TMEM244: variants seen among roughly 807,000 people sequenced by gnomAD.
TMEM244 encodes transmembrane protein 244.
In TMEM244, 13 loss-of-function variants were observed where a neutral mutation model predicts 15.8. That is an observed-to-expected ratio of 0.82 (90% CI 0.53 to 1.30). TMEM244 has a LOEUF of 1.30. TMEM244 is among the 50% of genes most tolerant of loss of function. TMEM244 has a pLI of 0.00. For synonymous variants in TMEM244, 45 were observed against 48.7 expected, an observed-to-expected ratio of 0.92 and a Z score of 0.32; for missense variants, 161 against 144.9, an observed-to-expected ratio of 1.11 and a Z score of -0.57.
chr6:129,836,183 G>T (rs1776402401), intron 3 of TMEM244, among the ~76,000 whole-genome samples: 1 of 152,122 alleles, frequency 6.6e-6, no homozygotes, highest in Non-Finnish European at 1.5e-5. Flanking sequence ...ACCTCAAACA[G>T]GCAGGTGCCC....
At chr6:129,836,228 A>C (rs1776404752) in intron 3 of TMEM244, among the ~76,000 whole-genome samples, 1 of 152,172 alleles carries the variant, frequency 6.6e-6, no homozygotes, top group Admixed American at 6.5e-5. Context: ...AGGATCAGGC[A>C]GCAATATTTG....
chr6:129,843,651 A>AT (rs1382955684), intron 2 of TMEM244, 48 bp from the exon 3 acceptor site: 8 of 1,318,128 alleles, frequency 6.1e-6, no homozygotes, highest in Non-Finnish European at 8.7e-6. Flanking sequence ...GAGGCAGTTC[A>AT]TAACAGCACA....
At chr6:129,841,843 T>C (rs187611043) in intron 3 of TMEM244, among the ~76,000 whole-genome samples, 311 of 152,286 alleles carry the variant, frequency 2.0e-3, no homozygotes, top group African/African-American at 7.3e-3. Context: ...ACACAAAACC[T>C]GACCATAATA....
chr6:129,860,428 A>G (rs1776790370), intron 1 of TMEM244, among the ~76,000 whole-genome samples: 1 of 152,080 alleles, frequency 6.6e-6, no homozygotes, highest in South Asian at 2.1e-4. Context: ...ATATGTGGTG[A>G]TGATGGTAGT....
chr6:129,844,232 C>T (rs895387494), intron 2 of TMEM244, among the ~76,000 whole-genome samples: 1 of 152,122 alleles, frequency 6.6e-6, no homozygotes, highest in African/African-American at 2.4e-5. Context: ...ACATTTTGTC[C>T]ACCTTGTCAT....
intron 1 of TMEM244, among the ~76,000 whole-genome samples, chr6:129,860,105 G>A (rs908313123): frequency 6.4e-5 from 1 of 15,506 alleles, no homozygotes; most frequent in Non-Finnish European, 1.6e-4. Context: ...TCTGCAATGC[G>A]TGTGTGTGTG....
intron 1 of TMEM244, among the ~76,000 whole-genome samples, chr6:129,859,673 A>G (rs1397839783): frequency 6.6e-6 from 1 of 152,166 alleles, no homozygotes; most frequent in Non-Finnish European, 1.5e-5. Flanking sequence ...CTATTTTCCC[A>G]GACAGCAAAT....
At chr6:129,853,793 C>T (rs1480524322) in intron 1 of TMEM244, among the ~76,000 whole-genome samples, 1 of 152,162 alleles carries the variant, frequency 6.6e-6, no homozygotes, top group East Asian at 1.9e-4. Flanking sequence ...TAGGCTGGAA[C>T]CTGGATAGAA....
chr6:129,851,308 G>T (rs149102752), intron 1 of TMEM244, among the ~76,000 whole-genome samples: 2 of 151,800 alleles, frequency 1.3e-5, no homozygotes, highest in African/African-American at 2.4e-5. Context: ...TTGCTTTGTC[G>T]CCTGGGCTGG....
At chr6:129,858,058 G>A (rs557314379) in intron 1 of TMEM244, among the ~76,000 whole-genome samples, 47 of 151,872 alleles carry the variant, frequency 3.1e-4, no homozygotes, top group Admixed American at 4.6e-4. Context: ...TGAACCATCC[G>A]TACATTTTTG....
intron 4 of TMEM244, among the ~76,000 whole-genome samples, chr6:129,832,705 G>C (rs1213273542): frequency 6.6e-6 from 1 of 152,072 alleles, no homozygotes; most frequent in Non-Finnish European, 1.5e-5. Context: ...CCCCCATTTT[G>C]TAGAGAAGGA....
chr6:129,854,010 C>T (rs910875837), intron 1 of TMEM244, among the ~76,000 whole-genome samples: 5 of 152,232 alleles, frequency 3.3e-5, no homozygotes, highest in Non-Finnish European at 7.4e-5. Flanking sequence ...TTCTTGTTGT[C>T]GCATTTAACA....
At chr6:129,845,982 T>G in intron 1 of TMEM244, 130 bp from the exon 2 acceptor site, 1 of 617,510 alleles carries the variant, frequency 1.6e-6, no homozygotes, top group Non-Finnish European at 2.8e-6. Flanking sequence ...TAAGGACCCA[T>G]GGAATGGGAA....
Position 129,847,768 on chromosome 6 carries a change from C to A in TMEM244, c.34-1916G>T, listed in dbSNP as rs949842054. 3.5e-5 allele frequency among the ~76,000 whole-genome samples: 5 copies of A among 143,218 alleles called. No homozygotes were observed. In the Admixed American group the frequency reaches 3.5e-4, roughly 10 times the overall value. 94.0% of individuals were successfully genotyped at this position (143,218 alleles called of 152,430 possible). A position where few individuals can be genotyped will look rare whatever the true frequency, so the allele number is the denominator to read the frequency against. On this transcript the variant is annotated intron_variant, in intron 1 of 4. Coordinates refer to ENST00000368143, the MANE Select transcript of TMEM244 (RefSeq NM_001010876.2). ...ATCTCACATTCCTTGTTTCTTTTTT[C>A]TTTTTTCTTTTTTTTTTTTTTTTGA...
intron 1 of TMEM244, among the ~76,000 whole-genome samples, chr6:129,846,166 CA>C (rs1281849424): frequency 6.6e-6 from 1 of 151,962 alleles, no homozygotes; most frequent in Non-Finnish European, 1.5e-5. Flanking sequence ...CATTTCAATC[CA>C]AAATAAGATG....
chr6:129,841,823 A>G (rs182616871), intron 3 of TMEM244, among the ~76,000 whole-genome samples: 1 of 152,278 alleles, frequency 6.6e-6, no homozygotes, highest in East Asian at 1.9e-4. Flanking sequence ...TGACAAAATT[A>G]TTGAAACCTA....
At chr6:129,856,844 ATTATGT>A (rs1023931303) in intron 1 of TMEM244, among the ~76,000 whole-genome samples, 10 of 152,056 alleles carry the variant, frequency 6.6e-5, no homozygotes, top group African/African-American at 2.4e-4. Flanking sequence ...TGATAGCTTT[ATTATGT>A]TTATGAGTAC....
intron 1 of TMEM244, among the ~76,000 whole-genome samples, chr6:129,852,655 G>T (rs1776650277): frequency 6.6e-6 from 1 of 152,184 alleles, no homozygotes; most frequent in African/African-American, 2.4e-5. Context: ...CAATGAAGAG[G>T]CAGGTAGCTA....
intron 1 of TMEM244, among the ~76,000 whole-genome samples, chr6:129,846,824 C>G (rs1294674271): frequency 6.6e-6 from 1 of 152,100 alleles, no homozygotes; most frequent in Non-Finnish European, 1.5e-5. Context: ...TGGTAAAACA[C>G]AATAGATGGC....
Sources: gnomAD v4.1 joint callset for allele counts (sites outside exome capture counted in the v4.1 genomes callset) on GRCh38, gnomAD v4.1.1 for gene constraint, MANE v1.5 for transcripts, NCBI Gene and HGNC (gene_info 2026-07-23, HGNC 2026-07-21) for gene names.